WDR48: variants seen among roughly 807,000 people sequenced by gnomAD.
WDR48 encodes the protein WD repeat-containing protein 48.
Under a neutral mutation model 94.0 loss-of-function variants are expected in WDR48, and 22 were observed. The ratio of observed to expected loss-of-function variants is 0.23; its 90% CI spans 0.17 to 0.33. The LOEUF is 0.33. WDR48 is among the 10% of genes least tolerant of loss of function. WDR48 has a pLI of 1.00. For synonymous variants in WDR48, 278 were observed against 280.5 expected (o/e 0.99, Z 0.09); for missense variants, 541 against 813.8 (o/e 0.66, Z 4.08).
intron 6 of WDR48, among the ~76,000 whole-genome samples, chr3:39,069,280 G>A (rs2033793584): frequency 6.6e-6 from 1 of 152,188 alleles, no homozygotes; most frequent in Non-Finnish European, 1.5e-5. Flanking sequence ...CCCCAATCGG[G>A]GGAGCTTAAA....
In WDR48 at chr3:39,094,740, G is replaced by C. The variant is rs767661073; in HGVS notation, c.2031G>C (p.Thr677=). Residue 677 remains threonine (T), a synonymous_variant, in exon 19 of 19, where the codon ACG becomes ACC. Transcript: ENST00000302313. The stretch of plus-strand genomic sequence containing the variant: ...CCCTCCATTACCGTCAGAAGTCCAC[G>C]TGAAGGCTGGGCTAATGCTCCTGGA... ...DLTLHYRQKS[T] 5 of 1,614,038 alleles carry C rather than the reference G, an allele frequency of 3.1e-6. No homozygotes were observed. The South Asian group carries it at 5.5e-5, about 18-fold the overall frequency.
In WDR48 at chr3:39,096,318, CCTTT is replaced by C. The variant is rs559323733; in HGVS notation, c.*1578_*1581del. On this transcript the variant is annotated 3_prime_UTR_variant, in exon 19 of 19. Coordinates refer to ENST00000302313, the MANE Select transcript of WDR48 (RefSeq NM_020839.4). ...AACCAGCTTCTTTTTTTTTAAAAGT[CCTTT>C]CTATCTGTTGGATACAACAGTGTGC... 1.9e-3 allele frequency: 295 copies of C among 151,964 alleles called. No homozygotes were observed. Among genetic ancestry groups the C allele is most frequent in the African/African-American group, 6.9e-3 (288 of 41,450 alleles). The allele number at this position is 151,964 out of a possible 1,614,324, so 9.4% of individuals were successfully genotyped here.
intron 1 of WDR48, among the ~76,000 whole-genome samples, chr3:39,061,862 A>G (rs1476264059): frequency 8.6e-6 from 1 of 116,640 alleles, no homozygotes; most frequent in African/African-American, 5.5e-5. Context: ...GATGATGAGC[A>G]TTTTTTCTTG....
At position 39,096,545 on chromosome 3, in the gene WDR48, A is replaced by G. The variant is rs2035346823; in HGVS notation, c.*1802A>G. ...TAGATCTGACCCCCAGCATGATTGTATTTCTTTCCCCTCCAGTCAAACCGT... is the reference window on the plus strand; with the variant it reads ...TAGATCTGACCCCCAGCATGATTGTGTTTCTTTCCCCTCCAGTCAAACCGT... On this transcript the variant is annotated 3_prime_UTR_variant, in exon 19 of 19. Coordinates refer to ENST00000302313, the MANE Select transcript of WDR48 (RefSeq NM_020839.4). The G allele has an allele frequency of 1.3e-5, 2 of 152,088 alleles. No homozygotes were observed. Among genetic ancestry groups the G allele is most frequent in the Non-Finnish European group, 2.9e-5 (2 of 68,018 alleles). 9.4% of individuals were successfully genotyped at this position (152,088 alleles called of 1,614,324 possible). A position where few individuals can be genotyped will look rare whatever the true frequency, so the allele number is the denominator to read the frequency against.
chr3:39,053,082 C>T (rs1575380506), intron 1 of WDR48, among the ~76,000 whole-genome samples: 3 of 152,048 alleles, frequency 2.0e-5, no homozygotes, highest in Admixed American at 2.0e-4. Context: ...GAATAAAAGC[C>T]CTCTTACAGG....
rs368939851 is a variant in WDR48, at chr3:39,063,208, A to G, written c.189+18A>G. On this transcript the variant is annotated intron_variant, in intron 2 of 18. Transcript: ENST00000302313. ...AGCACAAGGTAATGCAGGGATTAAA[A>G]TCTGTACCCAGCAAATTCTGGACAA... is the stretch of plus-strand genomic sequence containing the variant. 320 of 1,610,564 alleles carry G rather than the reference A, an allele frequency of 2.0e-4. No homozygotes were observed. The highest frequency in any genetic ancestry group is 2.4e-4 in the Non-Finnish European group (287 of 1,178,660).
chr3:39,078,391 T>A, intron 10 of WDR48, 152 bp downstream of exon 10: 1 of 648,220 alleles, frequency 1.5e-6, no homozygotes, highest in South Asian at 2.0e-5. Context: ...AGGAAAAGGT[T>A]TTTTTTTGTT....
At chr3:39,094,159 A>G in intron 18 of WDR48, 93 bp downstream of exon 18, 2 of 1,501,774 alleles carry the variant, frequency 1.3e-6, no homozygotes, top group Non-Finnish European at 1.8e-6. Context: ...CTACTTTTAG[A>G]GGGGCTCTAA....
chr3:39,063,821 A>G (rs56657836), intron 2 of WDR48, among the ~76,000 whole-genome samples: 5,423 of 152,106 alleles, frequency 0.036, 310 homozygotes, highest in African/African-American at 0.12. Flanking sequence ...GGTGGCACAC[A>G]CCTGTAGTCC....
In WDR48 at chr3:39,084,135, T is replaced by C. The variant is rs1368774333; in HGVS notation, c.1174-20T>C. The stretch of plus-strand genomic sequence containing the variant: ...ATTCACCACTTAATATTGATCATTA[T>C]ACTTTCTTTTGATGTATAGGCATGT... On this transcript the variant is annotated intron_variant, in intron 11 of 18. Transcript: ENST00000302313. The C allele has an allele frequency of 1.9e-6, 3 of 1,583,222 alleles. No individual in the cohort carries two copies. Among genetic ancestry groups the C allele is most frequent in the Middle Eastern group, 1.7e-4 (1 of 5,948 alleles).
At chr3:39,067,242 C>T (rs1489316935) in intron 5 of WDR48, among the ~76,000 whole-genome samples, 1 of 152,110 alleles carries the variant, frequency 6.6e-6, no homozygotes, top group Non-Finnish European at 1.5e-5. Flanking sequence ...AAGGAGGTGG[C>T]GATTTTCTGA....
At chr3:39,078,291 T>TA (rs2034336260) in intron 10 of WDR48, 52 bp downstream of exon 10, 1 of 1,278,086 alleles carries the variant, frequency 7.8e-7, no homozygotes, top group Non-Finnish European at 1.1e-6. Flanking sequence ...GATAGTTACT[T>TA]AGAGATTGAC....
At chr3:39,067,784 A>G (rs1342965409) in intron 5 of WDR48, among the ~76,000 whole-genome samples, 1 of 152,170 alleles carries the variant, frequency 6.6e-6, no homozygotes, top group African/African-American at 2.4e-5. Flanking sequence ...ACTTGTGTTT[A>G]TAATCTCTTG....
At chr3:39,088,348 A>G in intron 15 of WDR48, 115 bp downstream of exon 15, 2 of 1,034,630 alleles carry the variant, frequency 1.9e-6, no homozygotes, top group South Asian at 3.1e-5. Context: ...AATTCTAGGG[A>G]TGCCAGGGAT....
At chr3:39,058,415 A>G (rs35114380) in intron 1 of WDR48, among the ~76,000 whole-genome samples, 21,817 of 152,284 alleles carry the variant, frequency 0.14, 1,833 homozygotes, top group African/African-American at 0.22. Flanking sequence ...TGGTTTTAAC[A>G]GTAATTACTT....
intron 2 of WDR48, among the ~76,000 whole-genome samples, chr3:39,063,486 T>G (rs2033404185): frequency 6.6e-6 from 1 of 152,218 alleles, no homozygotes; most frequent in Admixed American, 6.5e-5. Flanking sequence ...TTTCAACAAT[T>G]AATTTTTTTG....
intron 9 of WDR48, among the ~76,000 whole-genome samples, chr3:39,077,828 A>AT (rs145264691): frequency 0.029 from 4,389 of 152,274 alleles, 213 homozygotes; most frequent in African/African-American, 0.1. Context: ...CTGTATACTT[A>AT]TTTTTTAAAT....
intron 16 of WDR48, chr3:39,091,201 G>A (rs2035059268): frequency 6.5e-6 from 1 of 153,384 alleles, no homozygotes; most frequent in African/African-American, 2.4e-5. Flanking sequence ...CTTTTCAGTT[G>A]GATGATGGGC....
chr3:39,064,236 G>T (rs940180332), intron 2 of WDR48, among the ~76,000 whole-genome samples: 1 of 151,388 alleles, frequency 6.6e-6, no homozygotes, highest in Non-Finnish European at 1.5e-5. Flanking sequence ...TTAATTTTCA[G>T]TGTCCCTCAA....
Sources: gnomAD v4.1 joint callset for allele counts (sites outside exome capture counted in the v4.1 genomes callset) on GRCh38, gnomAD v4.1.1 for gene constraint, MANE v1.5 for transcripts, NCBI Gene and HGNC (gene_info 2026-07-23, HGNC 2026-07-21) for gene names.